The following USP25 variants were observed in gnomAD, a reference collection of about 807,000 sequenced individuals.
USP25 encodes the protein ubiquitin specific peptidase 25, also known as ubiquitin carboxyl-terminal hydrolase 25.
Under a neutral mutation model 158.5 loss-of-function variants are expected in USP25, and 85 were observed. That is an observed-to-expected ratio of 0.54 (90% CI 0.45 to 0.64). USP25 has a LOEUF of 0.64. Among genes scored for constraint, USP25 ranks in the 30% least tolerant of loss-of-function variants. USP25 has a pLI of 0.00. For missense variants in USP25, 1,242 were observed against 1,327.3 expected, an observed-to-expected ratio of 0.94 and a Z score of 1.00; for synonymous variants, 464 against 460.4, an observed-to-expected ratio of 1.01 and a Z score of -0.10.
intron 1 of USP25, among the ~76,000 whole-genome samples, chr21:15,732,005 A>AT (rs1197077733): frequency 3.3e-5 from 5 of 152,158 alleles, no homozygotes; most frequent in African/African-American, 4.8e-5. Flanking sequence ...TAAGTTTAGG[A>AT]TTTTTTTATT....
chr21:15,753,388 C>T (rs1416693541), intron 1 of USP25, among the ~76,000 whole-genome samples: 5 of 152,234 alleles, frequency 3.3e-5, no homozygotes, highest in African/African-American at 7.2e-5. Context: ...AGGTTGTAAA[C>T]AGGCCAGTTA....
At chr21:15,868,531 T>C (rs368263260) in intron 22 of USP25, among the ~76,000 whole-genome samples, 116 of 152,340 alleles carry the variant, frequency 7.6e-4, no homozygotes, top group Middle Eastern at 3.4e-3. Context: ...ACTGCAGGGC[T>C]GTTAAATCAT....
At chr21:15,731,980 A>G (rs909712671) in intron 1 of USP25, among the ~76,000 whole-genome samples, 5 of 152,336 alleles carry the variant, frequency 3.3e-5, no homozygotes, top group Middle Eastern at 3.4e-3. Context: ...AGTTTGAACA[A>G]TGGGAAGAAC....
intron 10 of USP25, 87 bp from the exon 11 acceptor site, chr21:15,823,952 G>A: frequency 7.5e-7 from 1 of 1,330,364 alleles, no homozygotes; most frequent in Non-Finnish European, 1.0e-6. Context: ...ATATAACAAT[G>A]TCAGTGCCCA....
chr21:15,788,075 A>G (rs1444462519), intron 4 of USP25, among the ~76,000 whole-genome samples: 2 of 151,868 alleles, frequency 1.3e-5, no homozygotes, highest in Non-Finnish European at 2.9e-5. Flanking sequence ...TTTTGAGAAG[A>G]TAAAGCAAGG....
chr21:15,759,453 TA>T (rs2033596778), intron 1 of USP25, among the ~76,000 whole-genome samples: 1 of 152,208 alleles, frequency 6.6e-6, no homozygotes, highest in Non-Finnish European at 1.5e-5. Context: ...ATACATAATA[TA>T]TCAGTCAATT....
At position 15,766,677 on chromosome 21, in the gene USP25, A is replaced by C. The variant is rs1352438393; in HGVS notation, c.268+536A>C. ...GTGTTTTGGAGATACAAATACGTAC[A>C]TGTGGAAGATTCTATGTGGGACTTA... On this transcript the variant is annotated intron_variant, in intron 3 of 25. Transcript: ENST00000400183. The surrounding 1 kb of genome is among the most constrained non-coding windows in gnomAD (Gnocchi z 4.0). Among the ~76,000 whole-genome samples the C allele has an allele frequency of 2.0e-5, 3 of 152,072 alleles. No individual in the cohort carries two copies. The highest frequency in any genetic ancestry group is 4.8e-5 in the African/African-American group (2 of 41,446).
intron 17 of USP25, among the ~76,000 whole-genome samples, chr21:15,835,157 A>C (rs977865410): frequency 6.6e-6 from 1 of 152,178 alleles, no homozygotes; most frequent in African/African-American, 2.4e-5. Context: ...GGGGCTGCAT[A>C]GTGTACTATA....
intron 21 of USP25, among the ~76,000 whole-genome samples, chr21:15,864,766 C>A (rs1003381751): frequency 6.6e-6 from 1 of 152,028 alleles, no homozygotes; most frequent in Admixed American, 6.6e-5. Context: ...TTAGATAAAT[C>A]TTTGTTGTTG....
intron 3 of USP25, among the ~76,000 whole-genome samples, chr21:15,770,866 C>G (rs2034311608): frequency 6.6e-6 from 1 of 152,114 alleles, no homozygotes; most frequent in Non-Finnish European, 1.5e-5. Context: ...CTGAAGGAAG[C>G]TGAAAGCAAG....
chr21:15,801,539 C>T (rs375149820), intron 6 of USP25, among the ~76,000 whole-genome samples: 96 of 151,678 alleles, frequency 6.3e-4, no homozygotes, highest in African/African-American at 2.2e-3. Flanking sequence ...ACACACTATA[C>T]CTTGACATCT....
chr21:15,861,466 A>AT (rs2039424356), intron 20 of USP25, among the ~76,000 whole-genome samples: 1 of 152,212 alleles, frequency 6.6e-6, no homozygotes, highest in African/African-American at 2.4e-5. Context: ...AATAATTAGC[A>AT]TAGACCGCCA....
chr21:15,750,794 G>C (rs1321807019), intron 1 of USP25, among the ~76,000 whole-genome samples: 4 of 151,622 alleles, frequency 2.6e-5, no homozygotes, highest in African/African-American at 4.9e-5. Context: ...TTTTAGTAGA[G>C]ATGGGGTTTC....
At chr21:15,797,899 G>A (rs1268299993) in intron 5 of USP25, among the ~76,000 whole-genome samples, 1 of 151,076 alleles carries the variant, frequency 6.6e-6, no homozygotes, top group Non-Finnish European at 1.5e-5. Context: ...CTTTACAATT[G>A]ACCTATTTTA....
intron 20 of USP25, among the ~76,000 whole-genome samples, chr21:15,857,518 GT>G (rs991666969): frequency 6.6e-6 from 1 of 151,920 alleles, no homozygotes; most frequent in African/African-American, 2.4e-5. Flanking sequence ...GTGAGGGTCA[GT>G]TTTTTTCATA....
Position 15,879,755 on chromosome 21 carries a change from T to G in USP25, c.*1280T>G, listed in dbSNP as rs925872074. On this transcript the variant is annotated 3_prime_UTR_variant, in exon 26 of 26. Transcript: ENST00000400183. Reference sequence around the variant, plus strand: ...GCGTCGCCAAAACTAGTGTTCTTTATTAGTGCCTCTCACAAAAGATCCTGG... The same window carrying G: ...GCGTCGCCAAAACTAGTGTTCTTTAGTAGTGCCTCTCACAAAAGATCCTGG... 2 of 152,616 alleles carry G rather than the reference T, an allele frequency of 1.3e-5. No individual in the cohort carries two copies. Among genetic ancestry groups the G allele is most frequent in the Non-Finnish European group, 2.9e-5 (2 of 68,008 alleles). 9.5% of individuals were successfully genotyped at this position (152,616 alleles called of 1,614,324 possible). A position where few individuals can be genotyped will look rare whatever the true frequency, so the allele number is the denominator to read the frequency against.
chr21:15,825,077 T>A lies in USP25; in HGVS notation c.1304+16T>A. 1 of 1,548,396 alleles carries A rather than the reference T, an allele frequency of 6.5e-7. No individual in the cohort carries two copies. Among genetic ancestry groups the A allele is most frequent in the Non-Finnish European group, 8.8e-7 (1 of 1,138,254 alleles). On this transcript the variant is annotated intron_variant, in intron 12 of 25. Transcript: ENST00000400183. ...GGCTAGAAAGGTATTTTAACTTTTA[T>A]GAAATTAGGAGATAATTATCAGAAA...
Position 15,758,879 on chromosome 21 carries a change from T to G in USP25, c.46-4012T>G, listed in dbSNP as rs2033561998. On this transcript the variant is annotated intron_variant, in intron 1 of 25. Transcript: ENST00000400183. ...AACCCGCCCCCATGATTCAATTACC[T>G]TCTACCAGGTCCCTCCCATGACACA... Among the ~76,000 whole-genome samples, 4 of 152,122 alleles carry G rather than the reference T, an allele frequency of 2.6e-5. No individual in the cohort carries two copies. The South Asian group carries it at 8.3e-4, about 32-fold the overall frequency.
chr21:15,761,351 C>T (rs2123392993), intron 1 of USP25, among the ~76,000 whole-genome samples: 1 of 152,222 alleles, frequency 6.6e-6, no homozygotes, highest in East Asian at 1.9e-4. Context: ...AACCATTAGG[C>T]GGTGGTCAGG....
Sources: gnomAD v4.1 joint callset for allele counts (sites outside exome capture counted in the v4.1 genomes callset) on GRCh38, gnomAD v4.1.1 for gene constraint, Gnocchi (gnomAD v3.1) non-coding constraint, MANE v1.5 for transcripts, NCBI Gene and HGNC (gene_info 2026-07-23, HGNC 2026-07-21) for gene names.